CDH4: variants seen among roughly 807,000 people sequenced by gnomAD.
The protein encoded by CDH4 is cadherin-4.
CDH4 carries 33 observed loss-of-function variants against 86.0 expected under a neutral mutation model. That is an observed-to-expected ratio of 0.38 (90% CI 0.29 to 0.51). The LOEUF is 0.51. Ranked by LOEUF, CDH4 falls within the 20% of genes least tolerant of loss-of-function variation. The pLI is 0.86. For missense variants in CDH4, 1,114 were observed against 1,307.4 expected, an observed-to-expected ratio of 0.85 and a Z score of 2.28; for synonymous variants, 555 against 549.4, an observed-to-expected ratio of 1.01 and a Z score of -0.14.
intron 2 of CDH4, among the ~76,000 whole-genome samples, chr20:61,397,220 T>C (rs541793209): frequency 1.2e-4 from 18 of 152,154 alleles, no homozygotes; most frequent in Non-Finnish European, 2.5e-4. Context: ...TTCATAAAAA[T>C]ATTTATTTAA....
At chr20:61,859,134 A>C (rs146707206) in intron 6 of CDH4, among the ~76,000 whole-genome samples, 29 of 152,004 alleles carry the variant, frequency 1.9e-4, no homozygotes, top group African/African-American at 7.0e-4. Context: ...TCGTGGTTTT[A>C]ATGTGTTTTC....
At position 61,743,770 on chromosome 20, in the gene CDH4, C is replaced by G. The variant is rs780747185; in HGVS notation, c.377C>G (p.Ser126Cys). 1 of 1,603,674 alleles carries G rather than the reference C, an allele frequency of 6.2e-7. No individual in the cohort carries two copies. ...VVRLLVAQTS[S>C]PHSGHKPQKG... Reference sequence around the variant, plus strand: ...CGGTTGCTGGTGGCCCAGACCTCGTCCCCGCACTCTGGACACAAGGTAAGG... The same window carrying G: ...CGGTTGCTGGTGGCCCAGACCTCGTGCCCGCACTCTGGACACAAGGTAAGG... Residue 126 changes from serine (S) to cysteine (C), a missense_variant, in exon 3 of 16, where the codon TCC (serine) becomes TGC (cysteine). This residue lies in a region of CDH4 where 221 missense variants were observed against 209.5 expected (regional missense o/e 1.05). Transcript: ENST00000614565.
chr20:61,581,870 C>T (rs1341075508), intron 2 of CDH4, among the ~76,000 whole-genome samples: 1 of 152,182 alleles, frequency 6.6e-6, no homozygotes, highest in African/African-American at 2.4e-5. Context: ...AATGTGGCAG[C>T]TCAGCCCTTT....
intron 2 of CDH4, among the ~76,000 whole-genome samples, chr20:61,488,171 A>G (rs1381778403): frequency 6.6e-6 from 1 of 152,184 alleles, no homozygotes; most frequent in Non-Finnish European, 1.5e-5. Context: ...GGAATCTACT[A>G]TTGCTGCATT....
intron 2 of CDH4, among the ~76,000 whole-genome samples, chr20:61,344,251 G>A (rs1262969841): frequency 1.3e-5 from 2 of 152,134 alleles, no homozygotes; most frequent in African/African-American, 4.8e-5. Flanking sequence ...TACACCCTTT[G>A]ATGGGTTCAG....
In CDH4 at chr20:61,879,318, C is replaced by T. The variant is rs939694075; in HGVS notation, c.1050+5418C>T. 2.6e-5 allele frequency among the ~76,000 whole-genome samples: 4 copies of T among 152,316 alleles called. No individual in the cohort carries two copies. Among genetic ancestry groups the T allele is most frequent in the South Asian group, 2.1e-4 (1 of 4,828 alleles). On this transcript the variant is annotated intron_variant, in intron 7 of 15. Transcript: ENST00000614565. The surrounding 1 kb of genome is among the most constrained non-coding windows in gnomAD (Gnocchi z 4.1). Reference sequence around the variant, plus strand: ...CCAGCCCAGCTTGCCTTGCATCGGCCGGACAGCTCAGCCACTTCTGAAAAG... The same window carrying T: ...CCAGCCCAGCTTGCCTTGCATCGGCTGGACAGCTCAGCCACTTCTGAAAAG...
intron 2 of CDH4, among the ~76,000 whole-genome samples, chr20:61,331,388 T>G (rs6124085): frequency 6.6e-6 from 1 of 151,794 alleles, no homozygotes; most frequent in Non-Finnish European, 1.5e-5. Flanking sequence ...CTGTGTCCAG[T>G]CCCTTCGCCG....
rs531363474 is a variant in CDH4 at position 61,290,252 on chromosome 20, A to C, written c.169+35315A>C. Among the ~76,000 whole-genome samples the C allele has an allele frequency of 2.1e-3, 204 of 97,838 alleles. 1 individual carries two copies. The highest frequency in any genetic ancestry group is 1.0e-2 in the African/African-American group (187 of 18,740). 64.2% of individuals were successfully genotyped at this position (97,838 alleles called of 152,430 possible). A position where few individuals can be genotyped will look rare whatever the true frequency, so the allele number is the denominator to read the frequency against. On this transcript the variant is annotated intron_variant, in intron 2 of 15. Coordinates refer to ENST00000614565, the MANE Select transcript of CDH4 (RefSeq NM_001794.5). ...AATGAGACTTGCTGGGTTTATCCCG[A>C]TATCCAATGAGACTTGCTGGATTTA...
intron 2 of CDH4, among the ~76,000 whole-genome samples, chr20:61,514,642 C>T (rs2085805299): frequency 6.6e-6 from 1 of 152,216 alleles, no homozygotes; most frequent in African/African-American, 2.4e-5. Context: ...TGCCCTGTCT[C>T]ATCACTGGCT....
At chr20:61,543,186 C>G (rs917309905) in intron 2 of CDH4, among the ~76,000 whole-genome samples, 5 of 152,198 alleles carry the variant, frequency 3.3e-5, no homozygotes, top group African/African-American at 1.2e-4. Context: ...TCCACTGACT[C>G]AAATGTTAAC....
chr20:61,749,077 G>C (rs949565591), intron 3 of CDH4, among the ~76,000 whole-genome samples: 1 of 152,174 alleles, frequency 6.6e-6, no homozygotes, highest in African/African-American at 2.4e-5. Context: ...AAGGAAGCTA[G>C]TGGACTCTGT....
intron 2 of CDH4, among the ~76,000 whole-genome samples, chr20:61,635,359 T>C (rs2086935859): frequency 6.6e-6 from 1 of 152,148 alleles, no homozygotes; most frequent in Non-Finnish European, 1.5e-5. Context: ...TGCTGGGGCT[T>C]TTTGCAAATA....
chr20:61,352,549 G>A (rs1040101456), intron 2 of CDH4, among the ~76,000 whole-genome samples: 25 of 152,232 alleles, frequency 1.6e-4, no homozygotes, highest in Non-Finnish European at 2.8e-4. Context: ...TGCGCGGGAC[G>A]TCCAGCCCTT....
chr20:61,823,246 C>T (rs74858956), intron 4 of CDH4, among the ~76,000 whole-genome samples: 10 of 426 alleles, frequency 0.023, no homozygotes, highest in Middle Eastern at 0.5. Flanking sequence ...ATGATAGTGG[C>T]GATGGTGTTG....
At chr20:61,924,793 A>T (rs1355486518) in intron 11 of CDH4, among the ~76,000 whole-genome samples, 1 of 152,160 alleles carries the variant, frequency 6.6e-6, no homozygotes, top group African/African-American at 2.4e-5. Context: ...CTCCAGGGGC[A>T]TCAGGGCACT....
At chr20:61,435,462 C>T (rs551082249) in intron 2 of CDH4, among the ~76,000 whole-genome samples, 116 of 150,640 alleles carry the variant, frequency 7.7e-4, no homozygotes, top group Middle Eastern at 3.4e-3. Context: ...TGGTCCAGCC[C>T]GGCTGCAGGG....
chr20:61,387,964 G>A (rs2084961496), intron 2 of CDH4, among the ~76,000 whole-genome samples: 1 of 152,168 alleles, frequency 6.6e-6, no homozygotes, highest in Non-Finnish European at 1.5e-5. Context: ...TAGCTAAAAG[G>A]TATCTCTATT....
In CDH4 at chr20:61,560,527, C is replaced by T. The variant is rs73320401; in HGVS notation, c.170-183036C>T. Among the ~76,000 whole-genome samples the T allele has an allele frequency of 2.8e-4, 43 of 152,348 alleles. 1 individual carries two copies. Among genetic ancestry groups the T allele is most frequent in the Admixed American group, 2.0e-3 (30 of 15,312 alleles). ...ACGTTTTTAGGAGCCACAGCTCAGA[C>T]GGCCCTGGGCCAAGTCCTTGGCCAA... On this transcript the variant is annotated intron_variant, in intron 2 of 15. Coordinates refer to ENST00000614565, the MANE Select transcript of CDH4 (RefSeq NM_001794.5).
chr20:61,845,217 G>A (rs1484835634), intron 5 of CDH4, among the ~76,000 whole-genome samples: 1 of 152,230 alleles, frequency 6.6e-6, no homozygotes, highest in African/African-American at 2.4e-5. Context: ...GCTGCTCTTG[G>A]CCCCTTTCTC....
Sources: allele counts gnomAD v4.1 joint callset (sites outside exome capture counted in the v4.1 genomes callset), GRCh38; gene constraint gnomAD v4.1.1; regional missense constraint gnomAD v4.1.1; non-coding constraint Gnocchi (gnomAD v3.1); transcripts MANE v1.5; gene names NCBI Gene and HGNC (gene_info 2026-07-23, HGNC 2026-07-21).